Variants in ARB2A observed in about 807,000 individuals in gnomAD.
ARB2A encodes ARB2 cotranscriptional regulator A.
At chr5:93,881,752 A>C in the ARB2A span, 1 of 1,222,942 alleles carries the variant, frequency 8.2e-7, no homozygotes, top group Non-Finnish European at 1.1e-6. Context: ...TTTTCAAAAA[A>C]GTTCTTAAAA....
At chr5:93,841,164 T>C in the ARB2A span, among the ~76,000 whole-genome samples, 3 of 152,202 alleles carry the variant, frequency 2.0e-5, no homozygotes, top group Non-Finnish European at 4.4e-5. Context: ...CTGCAGCACA[T>C]ACTGTGACAT....
the ARB2A span, among the ~76,000 whole-genome samples, chr5:93,906,279 C>T: frequency 6.6e-6 from 1 of 151,334 alleles, no homozygotes; most frequent in Non-Finnish European, 1.5e-5. Context: ...AATAAACCAT[C>T]AGTGATTTTT....
At chr5:93,996,344 C>G in the ARB2A span, among the ~76,000 whole-genome samples, 1 of 151,874 alleles carries the variant, frequency 6.6e-6, no homozygotes, top group South Asian at 2.1e-4. Flanking sequence ...CATATAAATA[C>G]GGACAAATAA....
At chr5:93,840,418 G>A in the ARB2A span, among the ~76,000 whole-genome samples, 1 of 152,214 alleles carries the variant, frequency 6.6e-6, no homozygotes, top group South Asian at 2.1e-4. Context: ...CATTTACCAT[G>A]TCCAAAAGTA....
At chr5:93,839,006 C>A in the ARB2A span, among the ~76,000 whole-genome samples, 1 of 152,184 alleles carries the variant, frequency 6.6e-6, no homozygotes, top group African/African-American at 2.4e-5. Context: ...TTGACTTCCT[C>A]TCTTCCTATT....
At chr5:93,683,446 G>T in the ARB2A span, 1 of 1,599,644 alleles carries the variant, frequency 6.3e-7, no homozygotes, top group African/African-American at 1.3e-5. Context: ...TTATTTCAAA[G>T]CCCCCAAGGG....
the ARB2A span, among the ~76,000 whole-genome samples, chr5:93,813,713 T>C: frequency 2.0e-5 from 3 of 152,136 alleles, no homozygotes; most frequent in African/African-American, 7.2e-5. Context: ...TGCTGGTACT[T>C]TTATTTTGGG....
chr5:93,804,350 A>G, the ARB2A span, among the ~76,000 whole-genome samples: 1 of 152,014 alleles, frequency 6.6e-6, no homozygotes, highest in African/African-American at 2.4e-5. Context: ...CATGCATATC[A>G]TATCTGCAAG....
the ARB2A span, among the ~76,000 whole-genome samples, chr5:94,053,556 CAA>C: frequency 6.6e-6 from 1 of 152,020 alleles, no homozygotes; most frequent in East Asian, 1.9e-4. Flanking sequence ...TATGACTTTT[CAA>C]AAGTCATCAA....
the ARB2A span, among the ~76,000 whole-genome samples, chr5:93,763,003 A>G: frequency 1.2e-4 from 19 of 152,218 alleles, no homozygotes; most frequent in Admixed American, 1.3e-4. Context: ...GCAAATGCTG[A>G]GTGATTTTGT....
the ARB2A span, among the ~76,000 whole-genome samples, chr5:93,769,556 T>C: frequency 6.6e-6 from 1 of 152,166 alleles, no homozygotes; most frequent in Admixed American, 6.5e-5. Context: ...GAAGAAGTGG[T>C]AAGTTTTTAT....
the ARB2A span, among the ~76,000 whole-genome samples, chr5:93,626,151 G>T: frequency 2.6e-5 from 4 of 152,146 alleles, no homozygotes; most frequent in Non-Finnish European, 5.9e-5. Flanking sequence ...AGTTATATGG[G>T]AATATAATTT....
the ARB2A span, chr5:94,053,102 T>TAGAC: frequency 7.6e-7 from 1 of 1,309,744 alleles, no homozygotes; most frequent in South Asian, 1.3e-5. Flanking sequence ...GATAGATAGA[T>TAGAC]AGATAGATAG....
the ARB2A span, among the ~76,000 whole-genome samples, chr5:93,982,509 C>T: frequency 1.3e-5 from 2 of 152,150 alleles, no homozygotes; most frequent in Non-Finnish European, 2.9e-5. Context: ...CAGGTGTGTG[C>T]ATGTGCATGT....
the ARB2A span, among the ~76,000 whole-genome samples, chr5:93,913,383 T>C: frequency 6.6e-6 from 1 of 151,938 alleles, no homozygotes. Flanking sequence ...CTAAGACTCA[T>C]ATAACCTCCT....
the ARB2A span, among the ~76,000 whole-genome samples, chr5:93,880,506 T>C: frequency 6.6e-6 from 1 of 151,784 alleles, no homozygotes; most frequent in African/African-American, 2.4e-5. Context: ...TACTATCCTA[T>C]TGTATAATTT....
At chr5:93,693,158 C>A in the ARB2A span, among the ~76,000 whole-genome samples, 1 of 151,902 alleles carries the variant, frequency 6.6e-6, no homozygotes, top group Non-Finnish European at 1.5e-5. Context: ...GAAGCAAGAG[C>A]AAACAAATTC....
chr5:94,067,915 G>A, the ARB2A span, among the ~76,000 whole-genome samples: 2,838 of 152,236 alleles, frequency 0.019, 44 homozygotes, highest in Non-Finnish European at 0.027. Flanking sequence ...ACCTGACTTC[G>A]AAATACATTA....
the ARB2A span, among the ~76,000 whole-genome samples, chr5:93,699,297 T>C: frequency 6.6e-6 from 1 of 152,216 alleles, no homozygotes; most frequent in Non-Finnish European, 1.5e-5. Flanking sequence ...TCTAGGTATT[T>C]TCTAGCTGCG....
Sources: allele counts gnomAD v4.1 joint callset (sites outside exome capture counted in the v4.1 genomes callset), GRCh38; gene constraint gnomAD v4.1.1; transcripts MANE v1.5; gene names NCBI Gene and HGNC (gene_info 2026-07-23, HGNC 2026-07-21).